The following MUC12 variants were observed in gnomAD, a reference collection of about 807,000 sequenced individuals.
MUC12 encodes the protein mucin-12.
MUC12 carries 172 observed loss-of-function variants against 230.8 expected under a neutral mutation model. The observed-to-expected ratio is 0.75, with a 90% confidence interval of 0.66 to 0.85. The LOEUF is 0.85. Ranked by LOEUF, MUC12 falls within the 40% of genes least tolerant of loss-of-function variation. MUC12 has a pLI of 0.00. For synonymous variants in MUC12, 1,259 were observed against 2,401.9 expected, an observed-to-expected ratio of 0.52 and a Z score of 13.91; for missense variants, 3,506 against 5,920.6, an observed-to-expected ratio of 0.59 and a Z score of 13.38.
chr7:101,008,863 G>GC, intron 4 of MUC12, 102 bp downstream of exon 4: 1 of 1,412,318 alleles, frequency 7.1e-7, no homozygotes, highest in Non-Finnish European at 9.4e-7. Flanking sequence ...CTGCTCATGA[G>GC]CCCCCTCCCT....
chr7:100,993,913 C>T lies in MUC12; in HGVS notation c.3350C>T (p.Pro1117Leu), dbSNP rs1189284321. 3.3e-6 allele frequency: 5 copies of T among 1,492,772 alleles called. No individual in the cohort carries two copies. Among genetic ancestry groups the T allele is most frequent in the Non-Finnish European group, 4.4e-6 (5 of 1,125,162 alleles). The allele number at this position is 1,492,772 out of a possible 1,614,324, so 92.5% of individuals were successfully genotyped here. A position where few individuals can be genotyped will look rare whatever the true frequency, so the allele number is the denominator to read the frequency against. ...SPRSPTTTLS[P>L]ASMTSLGVGE... The stretch of plus-strand genomic sequence containing the variant: ...AGATCACCAACCACAACACTCTCAC[C>T]TGCCAGCATGACAAGCCTGGGCGTC... The change falls in exon 2 of 12, where the codon CCT becomes CTT. Residue 1117 changes from proline (P) to leucine (L), a missense_variant. Coordinates refer to ENST00000536621, the MANE Select transcript of MUC12 (RefSeq NM_001164462.2).
rs756039392 is a variant in MUC12, at chr7:101,001,248, C to T, written c.10685C>T (p.Ser3562Phe). Reference protein sequence around the residue: ...SSSGSTDTALSPGSTTALSFG... With the variant: ...SSSGSTDTALFPGSTTALSFG... ...TCAGGTTCAACTGACACAGCACTGT[C>T]CCCTGGCAGTACCACAGCCTTATCC... Residue 3562 changes from serine to phenylalanine, a missense_variant, in exon 2 of 12, where the codon TCC (serine) becomes TTC (phenylalanine). Ser to Phe is a radical substitution (Grantham distance 155). Transcript: ENST00000536621. 7.0e-6 allele frequency: 8 copies of T among 1,135,828 alleles called. 1 individual carries two copies. In the South Asian group the frequency reaches 1.1e-4, roughly 16 times the overall value. 70.4% of individuals were successfully genotyped at this position (1,135,828 alleles called of 1,614,324 possible).
intron 1 of MUC12, among the ~76,000 whole-genome samples, chr7:100,976,780 G>A (rs956498775): frequency 3.3e-5 from 5 of 151,886 alleles, no homozygotes; most frequent in Non-Finnish European, 7.4e-5. Context: ...GTGGGGCGTG[G>A]TGTCTCACGC....
At chr7:100,985,112 G>T (rs902163434) in intron 1 of MUC12, among the ~76,000 whole-genome samples, 1 of 152,076 alleles carries the variant, frequency 6.6e-6, no homozygotes, top group Non-Finnish European at 1.5e-5. Flanking sequence ...GGTGATTGAG[G>T]GCCTTCCAAA....
intron 5 of MUC12, among the ~76,000 whole-genome samples, chr7:101,011,893 G>A (rs1793843720): frequency 6.6e-6 from 1 of 152,056 alleles, no homozygotes; most frequent in African/African-American, 2.4e-5. Flanking sequence ...CAGTTATTTT[G>A]TATATATACC....
Position 100,991,658 on chromosome 7 carries a change from G to C in MUC12, c.1095G>C (p.Pro365=). ...AATCTACAGCCTACCACAGGAGCCC[G>C]GGCTCAACTCAAACAATGCACTTCC... ...VEESTAYHRS[P]GSTQTMHFPE... is the part of the protein sequence containing the mutation. The change falls in exon 2 of 12, where the codon CCG becomes CCC. Residue 365 remains proline, a synonymous_variant. Transcript: ENST00000536621. 6.5e-7 allele frequency: 1 copy of C among 1,537,070 alleles called. No homozygotes were observed.
chr7:101,018,795 C>A lies in MUC12; in HGVS notation c.*159C>A, dbSNP rs1462801472. 2.9e-6 allele frequency: 2 copies of A among 682,132 alleles called. No individual in the cohort carries two copies. Among genetic ancestry groups the A allele is most frequent in the Non-Finnish European group, 4.5e-6 (2 of 442,368 alleles). 42.3% of individuals were successfully genotyped at this position (682,132 alleles called of 1,614,324 possible). Reference sequence around the variant, plus strand: ...AGACTTGGCCAGTCCCCTGCCTGTGCTCCTGCTGGGGAAGGCTGGGGGCTG... The same window carrying A: ...AGACTTGGCCAGTCCCCTGCCTGTGATCCTGCTGGGGAAGGCTGGGGGCTG... On this transcript the variant is annotated 3_prime_UTR_variant, in exon 12 of 12. Transcript: ENST00000536621.
At position 100,991,666 on chromosome 7, in the gene MUC12, C is replaced by T. The variant is rs1247235895; in HGVS notation, c.1103C>T (p.Thr368Ile). The T allele has an allele frequency of 1.3e-6, 2 of 1,537,592 alleles. No individual in the cohort carries two copies. Among genetic ancestry groups the T allele is most frequent in the Non-Finnish European group, 1.7e-6 (2 of 1,146,746 alleles). The change falls in exon 2 of 12, where the codon ACT becomes ATT. Residue 368 changes from threonine to isoleucine, a missense_variant. Transcript: ENST00000536621. The part of the protein sequence containing the change: ...STAYHRSPGS[T>I]QTMHFPESST... ...GCCTACCACAGGAGCCCGGGCTCAA[C>T]TCAAACAATGCACTTCCCTGAAAGC...
Position 100,995,632 on chromosome 7 carries a change from A to T in MUC12, c.5069A>T (p.Gln1690Leu). ...TTRQGESTTF[Q>L]SWPSSKDTMP... ...CGTCAGGGAGAATCTACCACCTTCC[A>T]GAGCTGGCCAAGCTCAAAGGACACT... The change falls in exon 2 of 12, where the codon CAG becomes CTG. Residue 1690 changes from glutamine (Q) to leucine (L), a missense_variant. Coordinates refer to ENST00000536621, the MANE Select transcript of MUC12 (RefSeq NM_001164462.2). 6.5e-7 allele frequency: 1 copy of T among 1,537,036 alleles called. No homozygotes were observed. The highest frequency in any genetic ancestry group is 8.7e-7 in the Non-Finnish European group (1 of 1,147,056).
At position 100,991,229 on chromosome 7, in the gene MUC12, T is replaced by A. The variant is rs1584830823; in HGVS notation, c.666T>A (p.Thr222=). 2.0e-6 allele frequency: 3 copies of A among 1,537,272 alleles called. No individual in the cohort carries two copies. The highest frequency in any genetic ancestry group is 4.9e-5 in the East Asian group (2 of 40,872). ...CATCATCCCTTGGTCCAGAATCTAC[T>A]ACCTTCCACAGCAGCCCAGGCTACA... The part of the protein sequence containing the change: ...TTPSSLGPES[T]TFHSSPGYTK... The change falls in exon 2 of 12, where the codon ACT becomes ACA. Residue 222 remains threonine, a synonymous_variant. Coordinates refer to ENST00000536621, the MANE Select transcript of MUC12 (RefSeq NM_001164462.2).
intron 1 of MUC12, among the ~76,000 whole-genome samples, chr7:100,981,847 C>T (rs1298829190): frequency 6.6e-6 from 1 of 150,822 alleles, no homozygotes; most frequent in Non-Finnish European, 1.5e-5. Flanking sequence ...TTGTGGCTTC[C>T]AGGGCACAGC....
rs551861421 is a variant in MUC12, at chr7:101,005,082, G to A, written c.14519G>A (p.Ser4840Asn). ...GCTCTGTCAACAGTGTCACCTGCCAGCACCACAGTGCCAGGCCTTAGTGAG... is the reference window on the plus strand; with the variant it reads ...GCTCTGTCAACAGTGTCACCTGCCAACACCACAGTGCCAGGCCTTAGTGAG... ...GSALSTVSPA[S>N]TTVPGLSEES... The change falls in exon 2 of 12, where the codon AGC becomes AAC. Residue 4840 changes from serine (S) to asparagine (N), a missense_variant. Ser to Asn is a conservative substitution (Grantham distance 46, BLOSUM62 1). Coordinates refer to ENST00000536621, the MANE Select transcript of MUC12 (RefSeq NM_001164462.2). 1.5e-5 allele frequency: 23 copies of A among 1,537,906 alleles called. No homozygotes were observed. The South Asian group carries it at 2.6e-4, about 17-fold the overall frequency.
intron 1 of MUC12, chr7:100,973,054 T>C (rs1792942017): frequency 1.6e-6 from 1 of 644,680 alleles, no homozygotes; most frequent in Non-Finnish European, 2.8e-6. Flanking sequence ...GGTGCATTTG[T>C]GGATGACAGG....
intron 1 of MUC12, among the ~76,000 whole-genome samples, chr7:100,976,753 GATAA>G (rs1793038090): frequency 6.7e-6 from 1 of 150,070 alleles, no homozygotes; most frequent in Non-Finnish European, 1.5e-5. Flanking sequence ...GCACAGAGAT[GATAA>G]ATAATTTGCT....
At chr7:101,008,358 A>G (rs781334871) in intron 3 of MUC12, among the ~76,000 whole-genome samples, 8 of 151,786 alleles carry the variant, frequency 5.3e-5, no homozygotes, top group Non-Finnish European at 1.0e-4. Context: ...CATCTCCCCA[A>G]TGCACTGGGA....
intron 1 of MUC12, among the ~76,000 whole-genome samples, chr7:100,977,994 T>C (rs192460189): frequency 6.6e-6 from 1 of 152,334 alleles, no homozygotes; most frequent in Admixed American, 6.5e-5. Context: ...CTCTGACAAG[T>C]ATGCAGATTT....
In MUC12 at chr7:100,990,688, C is replaced by G. The variant is rs1402613858; in HGVS notation, c.125C>G (p.Ser42Ter). 2.6e-6 allele frequency: 4 copies of G among 1,537,726 alleles called. No homozygotes were observed. In the African/African-American group the frequency reaches 5.5e-5, roughly 21 times the overall value. ...ACAACTTCTGCATCCACACCCAGTT[C>G]AAGCGACCCTTTTACCACCTTTAGT... Reference protein sequence around the residue: ...GNTTSASTPSSSDPFTTFSDY... With the variant: ...GNTTSASTPS Residue 42 changes from serine to a stop codon, truncating the protein, a stop_gained, in exon 2 of 12, where the codon TCA (serine) becomes TGA (stop). Transcript: ENST00000536621. LOFTEE classifies it high-confidence loss of function.
Position 101,017,643 on chromosome 7 carries a change from A to C in MUC12, c.15946A>C (p.Thr5316Pro), listed in dbSNP as rs1448402324. Residue 5316 changes from threonine to proline, a missense_variant, in exon 11 of 12, where the codon ACT (threonine) becomes CCT (proline). Thr to Pro is a conservative substitution (Grantham distance 38). Transcript: ENST00000536621. Reference protein sequence around the residue: ...AYNNFRPTLETVDSGTELHIQ... With the variant: ...AYNNFRPTLEPVDSGTELHIQ... ...CAACAACTTCCGGCCCACCCTGGAG[A>C]CTGTTGACTCTGGCACAGAGGTGAC... 16 of 1,535,544 alleles carry C rather than the reference A, an allele frequency of 1.0e-5. No homozygotes were observed. Among genetic ancestry groups the C allele is most frequent in the African/African-American group, 1.4e-5 (1 of 72,748 alleles).
At chr7:100,974,214 T>G (rs1183786753) in intron 1 of MUC12, among the ~76,000 whole-genome samples, 1 of 152,256 alleles carries the variant, frequency 6.6e-6, no homozygotes, top group Non-Finnish European at 1.5e-5. Context: ...ATGTCTGTGG[T>G]TTGTGGCCCT....
Sources: gnomAD v4.1 joint callset for allele counts (sites outside exome capture counted in the v4.1 genomes callset) on GRCh38, gnomAD v4.1.1 for gene constraint, MANE v1.5 for transcripts, NCBI Gene and HGNC (gene_info 2026-07-23, HGNC 2026-07-21) for gene names.